FAM222B: variants seen among roughly 807,000 people sequenced by gnomAD.
The protein encoded by FAM222B is protein FAM222B.
Under a neutral mutation model 38.0 loss-of-function variants are expected in FAM222B, and 12 were observed. The ratio of observed to expected loss-of-function variants is 0.32; its 90% CI spans 0.20 to 0.51. The LOEUF is 0.51. Ranked by LOEUF, FAM222B falls within the 20% of genes least tolerant of loss-of-function variation. The pLI is 0.97. For synonymous variants in FAM222B, 329 were observed against 317.2 expected (o/e 1.04, Z -0.40); for missense variants, 716 against 754.2 (o/e 0.95, Z 0.59).
At chr17:28,819,541 G>A (rs1273525819) in intron 1 of FAM222B, among the ~76,000 whole-genome samples, 2 of 151,974 alleles carry the variant, frequency 1.3e-5, no homozygotes, top group Non-Finnish European at 2.9e-5. Flanking sequence ...AAAAAATAAT[G>A]ATAAAGATGT....
At chr17:28,765,440 G>T (rs1421579278) in intron 2 of FAM222B, among the ~76,000 whole-genome samples, 1 of 152,120 alleles carries the variant, frequency 6.6e-6, no homozygotes, top group Non-Finnish European at 1.5e-5. Context: ...TTAAATTATT[G>T]GCTATCTGGG....
At chr17:28,761,147 A>C (rs1486592922) in intron 2 of FAM222B, among the ~76,000 whole-genome samples, 1 of 152,210 alleles carries the variant, frequency 6.6e-6, no homozygotes, top group Admixed American at 6.5e-5. Flanking sequence ...TGCCTCATTA[A>C]TGTTAACAGT....
intron 1 of FAM222B, among the ~76,000 whole-genome samples, chr17:28,775,807 G>GGAGATGGAGGTTGCAGTGAGCC (rs1180804297): frequency 6.6e-6 from 1 of 151,644 alleles, no homozygotes; most frequent in Non-Finnish European, 1.5e-5. Flanking sequence ...CTTGAACCCA[G>GGAGATGGAGGTTGCAGTGAGCC]GAGATGGAGG....
chr17:28,844,701 T>C (rs953883101), upstream of FAM222B, among the ~76,000 whole-genome samples: 1 of 152,114 alleles, frequency 6.6e-6, no homozygotes, highest in African/African-American at 2.4e-5. Context: ...TAGTGACTTA[T>C]GCTTGTAATC....
chr17:28,778,715 A>T (rs1395903184), intron 1 of FAM222B, among the ~76,000 whole-genome samples: 105 of 66,186 alleles, frequency 1.6e-3, no homozygotes, highest in South Asian at 2.9e-3. Flanking sequence ...ATATATATAT[A>T]TATATTTTTT....
chr17:28,772,812 T>C (rs2035701578), intron 1 of FAM222B, among the ~76,000 whole-genome samples: 2 of 151,990 alleles, frequency 1.3e-5, no homozygotes. Context: ...GAAGAATCGC[T>C]TGAACTGGGG....
At chr17:28,773,688 C>T (rs949517977) in intron 1 of FAM222B, among the ~76,000 whole-genome samples, 1 of 151,832 alleles carries the variant, frequency 6.6e-6, no homozygotes. Context: ...ATCCCAGCTA[C>T]TCGAGAGGCT....
chr17:28,764,684 T>C (rs945169792), intron 2 of FAM222B, among the ~76,000 whole-genome samples: 1 of 151,620 alleles, frequency 6.6e-6, no homozygotes, highest in Non-Finnish European at 1.5e-5. Flanking sequence ...AAGGCGGAGG[T>C]TGCGTTGAGC....
At chr17:28,761,251 CT>C (rs1251682191) in intron 2 of FAM222B, among the ~76,000 whole-genome samples, 1 of 152,228 alleles carries the variant, frequency 6.6e-6, no homozygotes, top group African/African-American at 2.4e-5. Flanking sequence ...AACAAGGGCT[CT>C]TTAAGGATGC....
chr17:28,793,204 G>A (rs903738014), intron 1 of FAM222B, among the ~76,000 whole-genome samples: 1 of 152,046 alleles, frequency 6.6e-6, no homozygotes. Context: ...CCAAAGTGCT[G>A]GGATTGCAGT....
At chr17:28,811,384 G>A (rs928246376) in intron 1 of FAM222B, among the ~76,000 whole-genome samples, 1 of 152,140 alleles carries the variant, frequency 6.6e-6, no homozygotes, top group Non-Finnish European at 1.5e-5. Context: ...AGGTTGCAGT[G>A]AGCCGAGATC....
At chr17:28,783,124 C>T (rs944823115) in intron 1 of FAM222B, among the ~76,000 whole-genome samples, 11 of 144,206 alleles carry the variant, frequency 7.6e-5, no homozygotes, top group Admixed American at 2.1e-4. Context: ...GGTGACAGAG[C>T]GAGACCCTGT....
intron 1 of FAM222B, among the ~76,000 whole-genome samples, chr17:28,854,609 G>A (rs1269367543): frequency 6.6e-6 from 1 of 152,246 alleles, no homozygotes; most frequent in Non-Finnish European, 1.5e-5. Context: ...GCCAAAGGAT[G>A]GAAAGGACTA....
intron 1 of FAM222B, among the ~76,000 whole-genome samples, chr17:28,779,975 CT>C (rs201541427): frequency 0.19 from 27,708 of 144,306 alleles, 2,603 homozygotes; most frequent in South Asian, 0.3. Context: ...ACTCTAGCCA[CT>C]TTTTTTTTTT....
chr17:28,771,653 C>T (rs2035638969), intron 1 of FAM222B, among the ~76,000 whole-genome samples: 1 of 152,110 alleles, frequency 6.6e-6, no homozygotes, highest in South Asian at 2.1e-4. Flanking sequence ...TGCACACCAG[C>T]CCGGGAAACA....
chr17:28,788,756 T>G (rs2036530139), intron 1 of FAM222B, among the ~76,000 whole-genome samples: 1 of 152,120 alleles, frequency 6.6e-6, no homozygotes, highest in Non-Finnish European at 1.5e-5. Flanking sequence ...TACTTTTGTT[T>G]TTTGAGTCAG....
intron 1 of FAM222B, among the ~76,000 whole-genome samples, chr17:28,775,047 C>G (rs2035819044): frequency 7.4e-6 from 1 of 135,860 alleles, no homozygotes; most frequent in Non-Finnish European, 1.5e-5. Flanking sequence ...GTTGCCCCGG[C>G]TGGAGTGCAG....
intron 1 of FAM222B, among the ~76,000 whole-genome samples, chr17:28,789,937 A>G (rs1297149070): frequency 6.6e-6 from 1 of 152,236 alleles, no homozygotes; most frequent in Non-Finnish European, 1.5e-5. Flanking sequence ...TAAAGCAGGC[A>G]TGTTACCAGA....
intron 1 of FAM222B, among the ~76,000 whole-genome samples, chr17:28,800,696 A>G (rs975849045): frequency 2.0e-5 from 3 of 152,146 alleles, no homozygotes; most frequent in Non-Finnish European, 4.4e-5. Flanking sequence ...AAGTTCTAAC[A>G]CAGTATCACT....
Sources: gnomAD v4.1 joint callset for allele counts (sites outside exome capture counted in the v4.1 genomes callset) on GRCh38, gnomAD v4.1.1 for gene constraint, MANE v1.5 for transcripts, NCBI Gene and HGNC (gene_info 2026-07-23, HGNC 2026-07-21) for gene names.